TKT: variants seen among roughly 807,000 people sequenced by gnomAD.
The protein encoded by TKT is transketolase.
In TKT, 47 loss-of-function variants were observed where a neutral mutation model predicts 63.9. That is an observed-to-expected ratio of 0.74 (90% CI 0.58 to 0.94). The LOEUF is 0.94. Among genes scored for constraint, TKT ranks in the 40% least tolerant of loss-of-function variants. The probability of loss-of-function intolerance (pLI) is 0.00; values close to 1 mark genes in which losing one functional copy is unlikely to be tolerated. For synonymous variants in TKT, 338 were observed against 334.1 expected, an observed-to-expected ratio of 1.01 and a Z score of -0.13; for missense variants, 721 against 846.2, an observed-to-expected ratio of 0.85 and a Z score of 1.84.
intron 1 of TKT, among the ~76,000 whole-genome samples, chr3:53,244,860 G>A (rs1294002247): frequency 6.8e-6 from 1 of 146,284 alleles, no homozygotes; most frequent in Non-Finnish European, 1.5e-5. Flanking sequence ...GTGATAAACA[G>A]GGCTAACAAG....
intron 1 of TKT, among the ~76,000 whole-genome samples, chr3:53,251,793 G>A (rs1193373513): frequency 1.3e-5 from 2 of 152,062 alleles, no homozygotes; most frequent in East Asian, 1.9e-4. Context: ...CTGTGCCTCT[G>A]TACTCCAGAC....
intron 6 of TKT, chr3:53,231,876 TCCTC>T (rs1704780081): frequency 2.9e-6 from 1 of 348,970 alleles, no homozygotes; most frequent in African/African-American, 2.1e-5. Context: ...TCCATTCTCT[TCCTC>T]CCCACAACCC....
At chr3:53,242,010 C>T in intron 2 of TKT, 115 bp downstream of exon 2, 2 of 933,248 alleles carry the variant, frequency 2.1e-6, no homozygotes, top group East Asian at 2.4e-5. Context: ...AGGGAGAAGG[C>T]ACCTGGGAGA....
chr3:53,232,668 AC>A (rs1487747259), intron 6 of TKT: 1 of 397,184 alleles, frequency 2.5e-6, no homozygotes. Flanking sequence ...CAGGTTCCAA[AC>A]CCCCCAAGGC....
rs1553677623 is a variant in TKT at position 53,233,254 on chromosome 3, T to C, written c.650A>G (p.Asp217Gly). Residue 217 changes from aspartate (D) to glycine (G), a missense_variant, in exon 6 of 14, where the codon GAT (aspartate) becomes GGT (glycine). Transcript: ENST00000462138. The stretch of plus-strand genomic sequence containing the variant: ...GCACAGCTCCTCCACGCTGTGTCCA[T>C]CCACGATGATGGCATGCCAACTGGG... ...EAFGWHAIIV[D>G]GHSVEELCKA... 3 of 1,611,772 alleles carry C rather than the reference T, an allele frequency of 1.9e-6. No homozygotes were observed. Among genetic ancestry groups the C allele is most frequent in the Non-Finnish European group, 2.5e-6 (3 of 1,178,908 alleles).
intron 8 of TKT, among the ~76,000 whole-genome samples, 196 bp downstream of exon 8, chr3:53,230,261 C>T (rs541719533): frequency 3.9e-5 from 6 of 152,372 alleles, no homozygotes; most frequent in African/African-American, 1.4e-4. Flanking sequence ...CTGTCCAGGA[C>T]ATTTGCACCT....
chr3:53,228,789 G>A (rs931766901), intron 10 of TKT: 48 of 665,888 alleles, frequency 7.2e-5, no homozygotes, highest in South Asian at 2.8e-4. Flanking sequence ...ATTCTCAGCA[G>A]AGACAGACTG....
At chr3:53,255,511 T>G (rs7633966) in intron 1 of TKT, among the ~76,000 whole-genome samples, 63,672 of 151,988 alleles carry the variant, frequency 0.42, 14,085 homozygotes, top group African/African-American at 0.53. Context: ...CCCTAGAGGG[T>G]ACTTGGCGAG....
Position 53,225,582 on chromosome 3 carries a change from C to T in TKT, c.*174G>A. 1 of 769,508 alleles carries T rather than the reference C, an allele frequency of 1.3e-6. No homozygotes were observed. Among genetic ancestry groups the T allele is most frequent in the Non-Finnish European group, 2.0e-6 (1 of 511,018 alleles). 47.7% of individuals were successfully genotyped at this position (769,508 alleles called of 1,614,324 possible). On this transcript the variant is annotated 3_prime_UTR_variant, in exon 14 of 14. Coordinates refer to ENST00000462138, the MANE Select transcript of TKT (RefSeq NM_001064.4). ...ACACCAGCCTCCCTAGCGCACCCTC[C>T]ACGCTTCTTCCCCAGAACCTGCACT...
At chr3:53,228,766 C>G (rs921643876) in intron 10 of TKT, 38 of 602,668 alleles carry the variant, frequency 6.3e-5, no homozygotes, top group Non-Finnish European at 4.9e-5. Flanking sequence ...CTGGACCGGC[C>G]AGGGCTGCCA....
At chr3:53,246,402 TGGG>T (rs1553680906) in intron 1 of TKT, among the ~76,000 whole-genome samples, 1 of 152,202 alleles carries the variant, frequency 6.6e-6, no homozygotes, top group Non-Finnish European at 1.5e-5. Flanking sequence ...ATTAATATAA[TGGG>T]ATACTATACA....
At chr3:53,228,900 T>G in intron 10 of TKT, 107 bp downstream of exon 10, 1 of 1,498,622 alleles carries the variant, frequency 6.7e-7, no homozygotes, top group Non-Finnish European at 9.0e-7. Flanking sequence ...AGGGGCAAGG[T>G]CAGGAAACAC....
In TKT at chr3:53,228,378, A is replaced by C. The variant is rs1553676081; in HGVS notation, c.1396-19T>G. On this transcript the variant is annotated intron_variant, in intron 10 of 13. Coordinates refer to ENST00000462138, the MANE Select transcript of TKT (RefSeq NM_001064.4). ...AGATACCCTGAGACCGAAACAGATA[A>C]ACTGAGGATACAGGATGTGGCACAC... 3 of 1,613,448 alleles carry C rather than the reference A, an allele frequency of 1.9e-6. No homozygotes were observed. The South Asian group carries it at 3.3e-5, about 18-fold the overall frequency.
chr3:53,239,649 G>A (rs1705184632), intron 4 of TKT, among the ~76,000 whole-genome samples: 1 of 151,976 alleles, frequency 6.6e-6, no homozygotes, highest in Non-Finnish European at 1.5e-5. Context: ...CTTCCTGGGG[G>A]GCCGTTCCTA....
intron 10 of TKT, 84 bp downstream of exon 10, chr3:53,228,923 C>T: frequency 6.4e-7 from 1 of 1,562,176 alleles, no homozygotes; most frequent in South Asian, 1.2e-5. Context: ...CCTGGGGCAG[C>T]AAGTGACCAG....
chr3:53,250,805 C>T (rs1302947261), intron 1 of TKT, among the ~76,000 whole-genome samples: 2 of 152,092 alleles, frequency 1.3e-5, no homozygotes, highest in East Asian at 3.9e-4. Context: ...TTTTTAAGAG[C>T]CAGGGTTTCA....
chr3:53,227,898 AGGATG>A, intron 12 of TKT, 153 bp downstream of exon 12: 1 of 654,272 alleles, frequency 1.5e-6, no homozygotes, highest in Non-Finnish European at 2.6e-6. Context: ...AAGTGCTCAA[AGGATG>A]GCTATAATTG....
At chr3:53,243,848 G>A (rs1705391870) in intron 1 of TKT, among the ~76,000 whole-genome samples, 1 of 152,202 alleles carries the variant, frequency 6.6e-6, no homozygotes, top group Admixed American at 6.5e-5. Context: ...GGTCCCATTA[G>A]GAGGGATCCT....
chr3:53,254,997 C>A (rs1414857968), intron 1 of TKT, among the ~76,000 whole-genome samples: 1 of 152,084 alleles, frequency 6.6e-6, no homozygotes, highest in Non-Finnish European at 1.5e-5. Flanking sequence ...ACTCCCGGCG[C>A]TAGGGCCCTG....
Sources: gnomAD v4.1 joint callset for allele counts (sites outside exome capture counted in the v4.1 genomes callset) on GRCh38, gnomAD v4.1.1 for gene constraint, MANE v1.5 for transcripts, NCBI Gene and HGNC (gene_info 2026-07-23, HGNC 2026-07-21) for gene names.